The following ASAP1 variants were observed in gnomAD, a reference collection of about 807,000 sequenced individuals.
ASAP1 encodes arf-GAP with SH3 domain, ANK repeat and PH domain-containing protein 1.
Under a neutral mutation model 145.2 loss-of-function variants are expected in ASAP1, and 43 were observed. The observed-to-expected ratio is 0.30, with a 90% CI of 0.23 to 0.38. ASAP1 has a LOEUF of 0.38. ASAP1 is among the 10% of genes least tolerant of loss of function. ASAP1 has a pLI of 1.00. For missense variants in ASAP1, 1,018 were observed against 1,355.3 expected, an observed-to-expected ratio of 0.75 and a Z score of 3.91; for synonymous variants, 546 against 515.5, an observed-to-expected ratio of 1.06 and a Z score of -0.80.
At chr8:130,214,844 G>T in intron 4 of ASAP1, 143 bp from the exon 5 acceptor site, 1 of 652,156 alleles carries the variant, frequency 1.5e-6, no homozygotes, top group Non-Finnish European at 2.5e-6. Context: ...CAAAGGTTAG[G>T]TTAGGAGTAC....
intron 5 of ASAP1, among the ~76,000 whole-genome samples, chr8:130,212,193 T>C (rs1392977964): frequency 1.3e-5 from 2 of 152,250 alleles, no homozygotes; most frequent in African/African-American, 2.4e-5. Context: ...GAATAATGTT[T>C]TCTTAGTAAC....
chr8:130,123,860 C>T (rs187491398), intron 18 of ASAP1, among the ~76,000 whole-genome samples, 153 bp downstream of exon 18: 1,668 of 151,966 alleles, frequency 0.011, 12 homozygotes, highest in Non-Finnish European at 0.018. Context: ...GATCTCCTGA[C>T]CTCGTGATCC....
At chr8:130,141,726 G>A (rs1026622998) in intron 13 of ASAP1, among the ~76,000 whole-genome samples, 1 of 152,020 alleles carries the variant, frequency 6.6e-6, no homozygotes, top group African/African-American at 2.4e-5. Context: ...TTAAAAATAT[G>A]TATTTTTTAG....
chr8:130,354,759 T>C (rs1001226360), intron 3 of ASAP1, among the ~76,000 whole-genome samples: 12 of 152,088 alleles, frequency 7.9e-5, no homozygotes, highest in Admixed American at 7.2e-4. Flanking sequence ...CACCAGCTCA[T>C]CCATTCCTGC....
chr8:130,391,146 TTGAGGACATTATGTTAAGTAAGGCAG>T (rs137997327), intron 2 of ASAP1, among the ~76,000 whole-genome samples: 9,464 of 152,212 alleles, frequency 0.062, 287 homozygotes, highest in Middle Eastern at 0.12. Context: ...AGGATGAACC[TTGAGGACATTATGTTAAGTAAGGCAG>T]TAACAAAAAG....
At chr8:130,060,525 A>T in intron 28 of ASAP1, 54 bp downstream of exon 28, 1 of 1,529,580 alleles carries the variant, frequency 6.5e-7, no homozygotes, top group Non-Finnish European at 8.8e-7. Flanking sequence ...CCCTCCCACC[A>T]ACTTGCAAAG....
At chr8:130,184,941 A>C (rs1029662920) in intron 7 of ASAP1, among the ~76,000 whole-genome samples, 6 of 152,226 alleles carry the variant, frequency 3.9e-5, no homozygotes, top group African/African-American at 1.4e-4. Flanking sequence ...CAATGTCACA[A>C]AACTGGTAAT....
At chr8:130,267,691 T>G (rs973288612) in intron 3 of ASAP1, among the ~76,000 whole-genome samples, 4 of 152,334 alleles carry the variant, frequency 2.6e-5, no homozygotes, top group East Asian at 1.9e-4. Context: ...ATAAAAGCAT[T>G]GTGGTCAGGG....
At position 130,306,941 on chromosome 8, in the gene ASAP1, TC is replaced by T. The variant is rs1823030050; in HGVS notation, c.186+51075del. Among the ~76,000 whole-genome samples, 6 of 152,198 alleles carry T rather than the reference TC, an allele frequency of 3.9e-5. No individual in the cohort carries two copies. The South Asian group carries it at 1.2e-3, about 32-fold the overall frequency. ...CCCAGGTCTGAGTGTCTGTACTAGC[TC>T]CCTCAGTATGGAGCACTTGTGCCTG... is the stretch of plus-strand genomic sequence containing the variant. On this transcript the variant is annotated intron_variant, in intron 3 of 29. Coordinates refer to ENST00000518721, the MANE Select transcript of ASAP1 (RefSeq NM_018482.4).
At chr8:130,213,258 C>A (rs2136418454) in intron 5 of ASAP1, among the ~76,000 whole-genome samples, 1 of 152,282 alleles carries the variant, frequency 6.6e-6, no homozygotes, top group Non-Finnish European at 1.5e-5. Flanking sequence ...TATTTATTTT[C>A]TTTCAGATTT....
chr8:130,119,852 T>C (rs2097562761), intron 18 of ASAP1, among the ~76,000 whole-genome samples: 1 of 152,130 alleles, frequency 6.6e-6, no homozygotes, highest in South Asian at 2.1e-4. Context: ...ATATTTTGAA[T>C]TAAAGGATGT....
At chr8:130,170,877 C>T (rs1487700611) in intron 9 of ASAP1, among the ~76,000 whole-genome samples, 2 of 152,044 alleles carry the variant, frequency 1.3e-5, no homozygotes, top group African/African-American at 2.4e-5. Context: ...CCCCACCATG[C>T]CTGGCTCATT....
intron 4 of ASAP1, among the ~76,000 whole-genome samples, chr8:130,226,261 A>G (rs1586633668): frequency 6.6e-6 from 1 of 152,242 alleles, no homozygotes; most frequent in South Asian, 2.1e-4. Context: ...GACCCGGAAA[A>G]TAATTTGTTT....
At chr8:130,246,159 C>T (rs1350808279) in intron 3 of ASAP1, among the ~76,000 whole-genome samples, 2 of 150,932 alleles carry the variant, frequency 1.3e-5, no homozygotes, top group East Asian at 4.0e-4. Context: ...CGGTGAAGGG[C>T]CTGCCTACCT....
intron 4 of ASAP1, among the ~76,000 whole-genome samples, chr8:130,232,028 A>G (rs142327057): frequency 4.2e-4 from 64 of 152,320 alleles, no homozygotes; most frequent in African/African-American, 1.5e-3. Flanking sequence ...ATGGCTAGTA[A>G]GTGAGTGGTA....
intron 1 of ASAP1, among the ~76,000 whole-genome samples, chr8:130,442,984 C>G (rs1364542487): frequency 6.6e-6 from 1 of 152,158 alleles, no homozygotes; most frequent in Non-Finnish European, 1.5e-5. Context: ...AGGCAAGTGG[C>G]CTGGGGCCTG....
intron 24 of ASAP1, among the ~76,000 whole-genome samples, chr8:130,098,054 G>A (rs1298734948): frequency 6.6e-6 from 1 of 152,112 alleles, no homozygotes; most frequent in Non-Finnish European, 1.5e-5. Context: ...TGAGTATTAT[G>A]TGCTTGAGCT....
intron 1 of ASAP1, among the ~76,000 whole-genome samples, chr8:130,432,161 G>A (rs1376741800): frequency 7.0e-6 from 1 of 142,352 alleles, no homozygotes; most frequent in Non-Finnish European, 1.5e-5. Context: ...CAGGAGGAGG[G>A]GAGGAGGGGA....
At chr8:130,404,419 G>A (rs539571114) in intron 1 of ASAP1, among the ~76,000 whole-genome samples, 34 of 152,350 alleles carry the variant, frequency 2.2e-4, no homozygotes, top group Middle Eastern at 3.4e-3. Flanking sequence ...AATCAGGACA[G>A]TGTGGTACTG....
Sources: allele counts gnomAD v4.1 joint callset (sites outside exome capture counted in the v4.1 genomes callset), GRCh38; gene constraint gnomAD v4.1.1; transcripts MANE v1.5; gene names NCBI Gene and HGNC (gene_info 2026-07-23, HGNC 2026-07-21).